Variants in SPTLC1 observed in about 807,000 individuals in gnomAD.
SPTLC1 encodes serine palmitoyltransferase 1.
A neutral mutation model predicts 68.9 loss-of-function variants in SPTLC1; 55 were observed. That is an observed-to-expected ratio of 0.80 (90% CI 0.64 to 1.00). The LOEUF is 1.00. SPTLC1 is among the 50% of genes least tolerant of loss of function. The probability of loss-of-function intolerance (pLI) is 0.00; values close to 1 mark genes in which losing one functional copy is unlikely to be tolerated. For missense variants in SPTLC1, 449 were observed against 573.1 expected, an observed-to-expected ratio of 0.78 and a Z score of 2.21; for synonymous variants, 197 against 201.6, an observed-to-expected ratio of 0.98 and a Z score of 0.19.
chr9:92,105,283 G>A, intron 3 of SPTLC1: 3 of 1,534,346 alleles, frequency 2.0e-6, no homozygotes, highest in Non-Finnish European at 2.6e-6. Flanking sequence ...TATCTCCTGA[G>A]GCACTGTTGG....
intron 6 of SPTLC1, among the ~76,000 whole-genome samples, chr9:92,064,075 C>T (rs894120851): frequency 2.0e-5 from 3 of 152,138 alleles, no homozygotes; most frequent in South Asian, 2.1e-4. Flanking sequence ...GATGACATGA[C>T]GACTGTCTAC....
At chr9:92,051,041 G>T in intron 8 of SPTLC1, 1 of 985,094 alleles carries the variant, frequency 1.0e-6, no homozygotes, top group Non-Finnish European at 1.2e-6. Context: ...CTGTCCATTA[G>T]CACTGCTTCA....
At chr9:92,086,937 T>A (rs916447544) in intron 3 of SPTLC1, among the ~76,000 whole-genome samples, 1 of 151,804 alleles carries the variant, frequency 6.6e-6, no homozygotes, top group African/African-American at 2.4e-5. Context: ...AGGCTTTGTT[T>A]GTTTCTTTTT....
intron 8 of SPTLC1, among the ~76,000 whole-genome samples, chr9:92,053,705 GA>G (rs1242098891): frequency 6.6e-6 from 1 of 152,214 alleles, no homozygotes; most frequent in Admixed American, 6.5e-5. Context: ...GAAATAACCA[GA>G]AAAGGTAAAT....
intron 3 of SPTLC1, among the ~76,000 whole-genome samples, chr9:92,097,971 T>C (rs1564114068): frequency 6.6e-6 from 1 of 152,236 alleles, no homozygotes; most frequent in Non-Finnish European, 1.5e-5. Context: ...GTCAACTCAG[T>C]ATTGAATGTA....
intron 9 of SPTLC1, among the ~76,000 whole-genome samples, chr9:92,048,713 T>C (rs1833603629): frequency 6.6e-6 from 1 of 152,232 alleles, no homozygotes; most frequent in Admixed American, 6.5e-5. Context: ...ATCACAAAAC[T>C]AGTATCATAC....
In SPTLC1 at chr9:92,045,269, G is replaced by A. The variant is rs139884648; in HGVS notation, c.1136+730C>T. The stretch of plus-strand genomic sequence containing the variant: ...GAAAGCATGTTTAACCTTAGGAAAG[G>A]CAAAAAGAAAGACCTCGGGCAATGT... On this transcript the variant is annotated intron_variant, in intron 12 of 14. Coordinates refer to ENST00000262554, the MANE Select transcript of SPTLC1 (RefSeq NM_006415.4). 8.1e-3 allele frequency among the ~76,000 whole-genome samples: 1,231 copies of A among 151,392 alleles called. 6 individuals carry two copies. Among genetic ancestry groups the A allele is most frequent in the Non-Finnish European group, 0.014 (946 of 67,900 alleles).
In SPTLC1 at chr9:92,032,171, G is replaced by A. The variant is rs995089350; in HGVS notation, c.*294C>T. On this transcript the variant is annotated 3_prime_UTR_variant, in exon 15 of 15. Transcript: ENST00000262554. Reference sequence around the variant, plus strand: ...GACAACAAAAGAATATAAAATACTAGTATAAGAAAACATTTAAATAGTACT... The same window carrying A: ...GACAACAAAAGAATATAAAATACTAATATAAGAAAACATTTAAATAGTACT... 7.9e-6 allele frequency: 8 copies of A among 1,008,136 alleles called. No individual in the cohort carries two copies. The highest frequency in any genetic ancestry group is 9.8e-6 in the Non-Finnish European group (7 of 711,778). 62.4% of individuals were successfully genotyped at this position (1,008,136 alleles called of 1,614,324 possible). A position where few individuals can be genotyped will look rare whatever the true frequency, so the allele number is the denominator to read the frequency against.
At chr9:92,040,034 T>C (rs757458698) in intron 12 of SPTLC1, among the ~76,000 whole-genome samples, 4 of 152,168 alleles carry the variant, frequency 2.6e-5, no homozygotes, top group Non-Finnish European at 5.9e-5. Context: ...ATATATCAAG[T>C]ATCTTTTTTT....
At chr9:92,063,816 G>A (rs1005887253) in intron 6 of SPTLC1, among the ~76,000 whole-genome samples, 1 of 152,020 alleles carries the variant, frequency 6.6e-6, no homozygotes, top group African/African-American at 2.4e-5. Context: ...ACATTGATTT[G>A]CAATGAAAAT....
At position 92,047,221 on chromosome 9, in the gene SPTLC1, C is replaced by T; in HGVS notation, c.1032G>A (p.Leu344=). 3.1e-6 allele frequency: 5 copies of T among 1,614,104 alleles called. No homozygotes were observed. Among genetic ancestry groups the T allele is most frequent in the Middle Eastern group, 1.6e-4 (1 of 6,062 alleles). The part of the protein sequence containing the change: ...GYCFSASLPP[L]LAAAAIEALN... ...GGGCCTCAATTGCTGCAGCAGCTAA[C>T]AGGGGAGGTAACGAAGCTGAAAAGC... Residue 344 remains leucine, a synonymous_variant, in exon 11 of 15, where the codon CTG becomes CTA. Coordinates refer to ENST00000262554, the MANE Select transcript of SPTLC1 (RefSeq NM_006415.4).
chr9:92,035,479 A>C (rs1257972669), intron 13 of SPTLC1, among the ~76,000 whole-genome samples: 1 of 152,206 alleles, frequency 6.6e-6, no homozygotes, highest in African/African-American at 2.4e-5. Flanking sequence ...AAATGAAAAC[A>C]ATCTCTACTA....
intron 11 of SPTLC1, among the ~76,000 whole-genome samples, chr9:92,046,784 A>G (rs1413058412): frequency 6.6e-6 from 1 of 152,230 alleles, no homozygotes; most frequent in Non-Finnish European, 1.5e-5. Context: ...AACTCACAAT[A>G]TTTATAAAAT....
intron 12 of SPTLC1, among the ~76,000 whole-genome samples, chr9:92,041,985 G>A (rs991409012): frequency 1.3e-5 from 2 of 152,176 alleles, no homozygotes; most frequent in Admixed American, 6.5e-5. Context: ...CAACTAGTTG[G>A]AAGGTGAAGG....
At chr9:92,108,947 C>T in intron 2 of SPTLC1, 113 bp from the exon 3 acceptor site, 4 of 1,500,884 alleles carry the variant, frequency 2.7e-6, no homozygotes, top group Admixed American at 1.9e-5. Context: ...TTCTCAAGTT[C>T]GCTGTCACTC....
chr9:92,113,582 A>T (rs1180272334), intron 1 of SPTLC1, among the ~76,000 whole-genome samples: 1 of 152,248 alleles, frequency 6.6e-6, no homozygotes, highest in Non-Finnish European at 1.5e-5. Context: ...ACAACATTTA[A>T]CAGAAAATAA....
intron 3 of SPTLC1, chr9:92,105,185 G>C (rs12554018): frequency 2.0e-6 from 3 of 1,529,630 alleles, no homozygotes; most frequent in Admixed American, 3.9e-5. Context: ...AAAACTGTCG[G>C]GGCCACCGCT....
intron 3 of SPTLC1, among the ~76,000 whole-genome samples, chr9:92,081,502 C>T (rs1017955532): frequency 2.0e-5 from 3 of 152,084 alleles, no homozygotes; most frequent in African/African-American, 7.2e-5. Context: ...TCCTGGGGAG[C>T]GGGGAGAATG....
chr9:92,035,112 T>C (rs918526788), intron 13 of SPTLC1, among the ~76,000 whole-genome samples: 1 of 152,236 alleles, frequency 6.6e-6, no homozygotes, highest in Non-Finnish European at 1.5e-5. Flanking sequence ...CCATGAGCCC[T>C]GTGTGCCTGC....
Sources: allele counts gnomAD v4.1 joint callset (sites outside exome capture counted in the v4.1 genomes callset), GRCh38; gene constraint gnomAD v4.1.1; transcripts MANE v1.5; gene names NCBI Gene and HGNC (gene_info 2026-07-23, HGNC 2026-07-21).